Variants in PLCZ1 observed in about 807,000 individuals in gnomAD.
PLCZ1 encodes the protein phospholipase C zeta 1.
A neutral mutation model predicts 76.8 loss-of-function variants in PLCZ1; 64 were observed. That is an observed-to-expected ratio of 0.83 (90% CI 0.68 to 1.03). The LOEUF is 1.03. Ranked by LOEUF, PLCZ1 falls within the 50% of genes least tolerant of loss-of-function variation. The probability of loss-of-function intolerance (pLI) is 0.00; values close to 1 mark genes in which losing one functional copy is unlikely to be tolerated. For missense variants in PLCZ1, 751 were observed against 713.7 expected (o/e 1.05, Z -0.60); for synonymous variants, 248 against 230.8 (o/e 1.07, Z -0.68).
chr12:18,697,944 C>G (rs1207807595), intron 10 of PLCZ1, among the ~76,000 whole-genome samples: 1 of 151,994 alleles, frequency 6.6e-6, no homozygotes, highest in Non-Finnish European at 1.5e-5. Flanking sequence ...TAATGTTATA[C>G]TTTGACTCTA....
At chr12:18,650,704 G>GTGTGTATA in the PLCZ1 span, among the ~76,000 whole-genome samples, 1 of 57,764 alleles carries the variant, frequency 1.7e-5, no homozygotes, top group Non-Finnish European at 4.0e-5. Context: ...GTGTGTGTGT[G>GTGTGTATA]TATATATCTA....
the PLCZ1 span, among the ~76,000 whole-genome samples, chr12:18,658,910 A>AT: frequency 3.7e-4 from 57 of 152,054 alleles, no homozygotes; most frequent in African/African-American, 8.9e-4. Context: ...AGATTTTTGT[A>AT]TTTTTTTTGT....
the PLCZ1 span, among the ~76,000 whole-genome samples, chr12:18,676,894 T>C: frequency 6.6e-6 from 1 of 152,136 alleles, no homozygotes; most frequent in Non-Finnish European, 1.5e-5. Flanking sequence ...GATCTATGCA[T>C]TCCTCATTTT....
the PLCZ1 span, among the ~76,000 whole-genome samples, chr12:18,650,720 A>ATATATC: frequency 1.0e-3 from 11 of 10,590 alleles, no homozygotes; most frequent in Non-Finnish European, 1.7e-3. Context: ...ATCTATATAT[A>ATATATC]TATATATATA....
rs375025243 is a variant in PLCZ1, at chr12:18,694,952, T to G, written c.1419A>C (p.Pro473=). The G allele has an allele frequency of 3.1e-6, 5 of 1,603,870 alleles. No homozygotes were observed. In the African/African-American group the frequency reaches 6.7e-5, roughly 21 times the overall value. Residue 473 remains proline (P), a synonymous_variant, in exon 12 of 15, where the codon CCA becomes CCC. Transcript: ENST00000266505. ...TTGGCATACCCTCTTTTATGTTACT[T>G]GGGTTAAAGTATGATTTACTCTCTC... ...FLRESKSYFN[P]SNIKEGMPIT... is the part of the protein sequence containing the mutation.
At chr12:18,718,486 A>C (rs1482192968) in intron 5 of PLCZ1, among the ~76,000 whole-genome samples, 1 of 151,250 alleles carries the variant, frequency 6.6e-6, no homozygotes, top group Non-Finnish European at 1.5e-5. Context: ...ACCTCCTCAA[A>C]CTCACCTCCC....
chr12:18,711,401 G>A (rs1309312013), intron 6 of PLCZ1, among the ~76,000 whole-genome samples: 1 of 105,180 alleles, frequency 9.5e-6, no homozygotes, highest in Non-Finnish European at 1.9e-5. Context: ...GGGGGAGGGG[G>A]GAGGGATAGC....
chr12:18,714,121 C>G (rs77539431), intron 5 of PLCZ1, among the ~76,000 whole-genome samples: 1 of 152,184 alleles, frequency 6.6e-6, no homozygotes, highest in African/African-American at 2.4e-5. Flanking sequence ...GTCATTTGCC[C>G]CAAACTACCA....
the PLCZ1 span, among the ~76,000 whole-genome samples, chr12:18,669,308 T>C: frequency 0.43 from 65,609 of 152,018 alleles, 15,319 homozygotes; most frequent in South Asian, 0.59. Flanking sequence ...TTCCATTATA[T>C]GTGTGGTCTC....
the PLCZ1 span, among the ~76,000 whole-genome samples, chr12:18,650,345 A>ATG: frequency 1.3e-4 from 16 of 127,730 alleles, 1 homozygote; most frequent in African/African-American, 5.4e-4. Context: ...ATATATATAT[A>ATG]TATGTGTGTG....
At chr12:18,652,746 T>C in the PLCZ1 span, among the ~76,000 whole-genome samples, 1 of 152,170 alleles carries the variant, frequency 6.6e-6, no homozygotes, top group Non-Finnish European at 1.5e-5. Flanking sequence ...TCAGGCTTTT[T>C]ACATGTATAT....
At chr12:18,696,313 A>T in intron 10 of PLCZ1, 47 bp from the exon 11 acceptor site, 1 of 470,664 alleles carries the variant, frequency 2.1e-6, no homozygotes, top group Non-Finnish European at 3.4e-6. Flanking sequence ...AAATAAATTT[A>T]AAAAGCCACT....
chr12:18,723,914 A>G (rs1180903376), intron 3 of PLCZ1, among the ~76,000 whole-genome samples: 2 of 152,096 alleles, frequency 1.3e-5, no homozygotes, highest in East Asian at 1.9e-4. Context: ...TATATGTCAG[A>G]GTGAGTCAGA....
chr12:18,706,285 T>C (rs568004295), intron 6 of PLCZ1, among the ~76,000 whole-genome samples: 3 of 151,552 alleles, frequency 2.0e-5, no homozygotes, highest in East Asian at 3.9e-4. Context: ...TATACTGCTA[T>C]AGAAAGTTAT....
chr12:18,692,816 C>T, intron 12 of PLCZ1: 1 of 1,544,156 alleles, frequency 6.5e-7, no homozygotes, highest in Non-Finnish European at 8.9e-7. Context: ...AGAAGGATGA[C>T]AAGCTCTAAC....
downstream of PLCZ1, among the ~76,000 whole-genome samples, chr12:18,679,278 A>G (rs1050017301): frequency 4.7e-4 from 72 of 152,128 alleles, no homozygotes; most frequent in African/African-American, 1.6e-3. Flanking sequence ...TTCAAAAGGC[A>G]GAAGTTCTTT....
chr12:18,684,336 T>A (rs371861004), intron 13 of PLCZ1, 57 bp from the exon 14 acceptor site: 1 of 1,503,046 alleles, frequency 6.7e-7, no homozygotes, highest in Non-Finnish European at 9.1e-7. Context: ...TAGGAAAAAA[T>A]AGATTACATT....
intron 5 of PLCZ1, 33 bp from the exon 6 acceptor site, chr12:18,713,019 C>A: frequency 6.2e-7 from 1 of 1,612,306 alleles, no homozygotes; most frequent in Non-Finnish European, 8.5e-7. Flanking sequence ...AAATGTTACT[C>A]CTGGACCATT....
At chr12:18,730,120 C>G (rs1174195210) in intron 3 of PLCZ1, among the ~76,000 whole-genome samples, 1 of 151,968 alleles carries the variant, frequency 6.6e-6, no homozygotes, top group Non-Finnish European at 1.5e-5. Flanking sequence ...TTTAACTTGC[C>G]AAGTAGTAAA....
Sources: gnomAD v4.1 joint callset for allele counts (sites outside exome capture counted in the v4.1 genomes callset) on GRCh38, gnomAD v4.1.1 for gene constraint, MANE v1.5 for transcripts, NCBI Gene and HGNC (gene_info 2026-07-23, HGNC 2026-07-21) for gene names.